Variants in SYNCRIP observed in about 807,000 individuals in gnomAD.
SYNCRIP encodes the protein heterogeneous nuclear ribonucleoprotein Q.
SYNCRIP carries 9 observed loss-of-function variants against 68.9 expected under a neutral mutation model. The ratio of observed to expected loss-of-function variants is 0.13; its 90% CI spans 0.08 to 0.23. The LOEUF is 0.23. Ranked by LOEUF, SYNCRIP falls within the 10% of genes least tolerant of loss-of-function variation. The pLI, the probability that SYNCRIP is intolerant of heterozygous loss-of-function variation, is 1.00. For synonymous variants in SYNCRIP, 258 were observed against 254.0 expected (o/e 1.02, Z -0.15); for missense variants, 414 against 770.6 (o/e 0.54, Z 5.48).
intron 10 of SYNCRIP, 78 bp downstream of exon 10, chr6:85,618,740 G>T: frequency 2.3e-6 from 3 of 1,279,490 alleles, no homozygotes; most frequent in South Asian, 2.8e-5. Flanking sequence ...TAACAAGTCT[G>T]ATCAACACCT....
intron 7 of SYNCRIP, 74 bp downstream of exon 7, chr6:85,623,903 G>C (rs1806743743): frequency 1.0e-5 from 16 of 1,545,586 alleles, no homozygotes; most frequent in Non-Finnish European, 1.4e-5. Context: ...TTAGAACAAT[G>C]CATGACGCAC....
At chr6:85,640,596 AT>A in intron 2 of SYNCRIP, 32 bp from the exon 3 acceptor site, 2 of 1,404,212 alleles carry the variant, frequency 1.4e-6, no homozygotes, top group Non-Finnish European at 1.9e-6. Context: ...AGCTTTTAAT[AT>A]TTTTAGAAAA....
chr6:85,630,393 C>A (rs1034744926), intron 6 of SYNCRIP, among the ~76,000 whole-genome samples: 3 of 152,112 alleles, frequency 2.0e-5, no homozygotes, highest in African/African-American at 7.2e-5. Flanking sequence ...AAAATCGTAA[C>A]GTGCAAACAG....
At chr6:85,613,962 T>C (rs1805489195), downstream of SYNCRIP, 1 of 980,668 alleles carries the variant, frequency 1.0e-6, no homozygotes, top group Non-Finnish European at 1.2e-6. Context: ...TCTAAAATAC[T>C]TACCAACTTA....
At chr6:85,611,915 G>A (rs1396664141), downstream of SYNCRIP, 1 of 152,492 alleles carries the variant, frequency 6.6e-6, no homozygotes, top group Middle Eastern at 3.2e-3. Flanking sequence ...GTCAGTTTTA[G>A]TCTGACTTTT....
upstream of SYNCRIP, chr6:85,642,894 T>C (rs905978951): frequency 1.3e-5 from 2 of 152,526 alleles, no homozygotes; most frequent in African/African-American, 2.4e-5. Context: ...AGTGGAGCTG[T>C]TGTAAAATGG....
chr6:85,639,597 A>G (rs1808889101), intron 4 of SYNCRIP, among the ~76,000 whole-genome samples: 1 of 152,212 alleles, frequency 6.6e-6, no homozygotes, highest in Non-Finnish European at 1.5e-5. Flanking sequence ...TACAAAGCAC[A>G]CCAGGTTAAA....
chr6:85,612,178 CTCATA>C (rs535436890), downstream of SYNCRIP: 10 of 152,240 alleles, frequency 6.6e-5, no homozygotes, highest in East Asian at 1.2e-3. Flanking sequence ...AAATCTTACC[CTCATA>C]TCATATTTAA....
intron 10 of SYNCRIP, among the ~76,000 whole-genome samples, chr6:85,616,750 T>A (rs184857874): frequency 6.6e-6 from 1 of 152,206 alleles, no homozygotes; most frequent in Non-Finnish European, 1.5e-5. Flanking sequence ...CTCTGCTGGT[T>A]TATTGTTTTG....
intron 8 of SYNCRIP, among the ~76,000 whole-genome samples, chr6:85,620,339 T>A (rs555957715): frequency 1.3e-5 from 2 of 152,336 alleles, no homozygotes; most frequent in African/African-American, 2.4e-5. Context: ...GAAGGAATAT[T>A]ATAACTGATA....
chr6:85,610,494 A>G (rs1805155923), downstream of SYNCRIP: 1 of 152,072 alleles, frequency 6.6e-6, no homozygotes, highest in South Asian at 2.1e-4. Flanking sequence ...TTGAAAACCC[A>G]GAGCTCCATA....
intron 4 of SYNCRIP, among the ~76,000 whole-genome samples, chr6:85,638,380 CAAAAAAAAAAAAAAAA>C (rs71003001): frequency 2.8e-4 from 12 of 42,850 alleles, no homozygotes; most frequent in African/African-American, 5.0e-4. Context: ...GACCCCATCT[CAAAAAAAAAAAAAAAA>C]AAAAAAAAAA....
Position 85,640,258 on chromosome 6 carries a change from G to A in SYNCRIP, c.338C>T (p.Ala113Val), listed in dbSNP as rs372626956. 1 of 1,613,770 alleles carries A rather than the reference G, an allele frequency of 6.2e-7. No individual in the cohort carries two copies. Among genetic ancestry groups the A allele is most frequent in the Admixed American group, 1.7e-5 (1 of 60,000 alleles). Residue 113 changes from alanine (A) to valine (V), a missense_variant, in exon 4 of 11, where the codon GCA becomes GTA. Physicochemically the swap from Ala to Val is moderately conservative, Grantham distance 64 (BLOSUM62 0). Transcript: ENST00000369622. ...CTCATCTGGTCCTTTACTAGAATCT[G>A]CTACTTTGGTCCCTTGTTTTTCTCT... ...RQREKQGTKV[A>V]DSSKGPDEAK...
intron 6 of SYNCRIP, among the ~76,000 whole-genome samples, chr6:85,626,632 G>C (rs1807068565): frequency 1.3e-5 from 2 of 152,138 alleles, no homozygotes; most frequent in Non-Finnish European, 2.9e-5. Flanking sequence ...GGAGGCAAAG[G>C]CAAGACAACA....
chr6:85,640,380 T>C (rs372447608), intron 3 of SYNCRIP, 52 bp from the exon 4 acceptor site: 2 of 1,588,358 alleles, frequency 1.3e-6, no homozygotes, highest in East Asian at 2.2e-5. Context: ...CTGAGTCTAA[T>C]AAAATTCAGC....
intron 6 of SYNCRIP, among the ~76,000 whole-genome samples, chr6:85,630,820 T>C (rs1331679591): frequency 6.6e-6 from 1 of 152,192 alleles, no homozygotes; most frequent in African/African-American, 2.4e-5. Context: ...AGGAAAAATA[T>C]ATACATATTC....
rs780137905 is a variant in SYNCRIP at position 85,615,256 on chromosome 6, G to A, written c.1372C>T (p.Pro458Ser). The A allele has an allele frequency of 4.4e-6, 7 of 1,604,796 alleles. No homozygotes were observed. Among genetic ancestry groups the A allele is most frequent in the Non-Finnish European group, 2.6e-6 (3 of 1,173,514 alleles). ...TAATCTTCATATCCATAATAATCTGGAGGATATCCATAACCACCTCTACCT... is the reference window on the plus strand; with the variant it reads ...TAATCTTCATATCCATAATAATCTGAAGGATATCCATAACCACCTCTACCT... ...RGGRGGYGYPPDYYGYEDYYD... is the reference protein window; with the variant it reads ...RGGRGGYGYPSDYYGYEDYYD... Residue 458 changes from proline to serine, a missense_variant, in exon 11 of 11, where the codon CCA (proline) becomes TCA (serine). Physicochemically the swap from Pro to Ser is moderately conservative, Grantham distance 74. This residue lies in a region of SYNCRIP where 72 missense variants were observed against 119.8 expected (regional missense o/e 0.60). Coordinates refer to ENST00000369622, the MANE Select transcript of SYNCRIP (RefSeq NM_006372.5).
At chr6:85,613,154 T>C (rs766810132), downstream of SYNCRIP, among the ~76,000 whole-genome samples, 7 of 152,076 alleles carry the variant, frequency 4.6e-5, no homozygotes, top group Non-Finnish European at 8.8e-5. Context: ...GGACTGAGGT[T>C]TGAAAACCCC....
intron 8 of SYNCRIP, among the ~76,000 whole-genome samples, chr6:85,620,302 G>C (rs965007860): frequency 7.9e-5 from 12 of 152,160 alleles, no homozygotes; most frequent in African/African-American, 2.2e-4. Flanking sequence ...TTCTTCAATG[G>C]GAGAATGGAC....
Sources: allele counts gnomAD v4.1 joint callset (sites outside exome capture counted in the v4.1 genomes callset), GRCh38; gene constraint gnomAD v4.1.1; regional missense constraint gnomAD v4.1.1; transcripts MANE v1.5; gene names NCBI Gene and HGNC (gene_info 2026-07-23, HGNC 2026-07-21).